ADAM17: variants seen among roughly 807,000 people sequenced by gnomAD.
ADAM17 encodes the protein disintegrin and metalloproteinase domain-containing protein 17.
A neutral mutation model predicts 96.7 loss-of-function variants in ADAM17; 39 were observed. The observed-to-expected ratio is 0.40, with a 90% confidence interval of 0.31 to 0.53. The LOEUF is 0.53. Among genes scored for constraint, ADAM17 ranks in the 20% least tolerant of loss-of-function variants. The pLI, the probability that ADAM17 is intolerant of heterozygous loss-of-function variation, is 0.44. For missense variants in ADAM17, 777 were observed against 1,013.2 expected, an observed-to-expected ratio of 0.77 and a Z score of 3.17; for synonymous variants, 344 against 359.2, an observed-to-expected ratio of 0.96 and a Z score of 0.48.
chr2:9,494,427 C>T (rs1572880014), intron 15 of ADAM17, among the ~76,000 whole-genome samples: 1 of 152,188 alleles, frequency 6.6e-6, no homozygotes, highest in Non-Finnish European at 1.5e-5. Context: ...AGTCTCTGGG[C>T]TCAAAGCCTC....
rs938052274 is a variant in ADAM17 at position 9,536,275 on chromosome 2, AT to A, written c.362-354del. ...TATACTATTTGTGGATTTCAATGAC[AT>A]TTTTTTTTCTCATTGCAGAAAAAGG... On this transcript the variant is annotated intron_variant, in intron 3 of 18. Coordinates refer to ENST00000310823, the MANE Select transcript of ADAM17 (RefSeq NM_003183.6). Among the ~76,000 whole-genome samples the A allele has an allele frequency of 4.0e-5, 6 of 151,490 alleles. No individual in the cohort carries two copies. In the East Asian group the frequency reaches 9.7e-4, roughly 25 times the overall value.
At chr2:9,514,143 T>C (rs1397914410) in intron 10 of ADAM17, among the ~76,000 whole-genome samples, 6 of 151,680 alleles carry the variant, frequency 4.0e-5, no homozygotes, top group Non-Finnish European at 7.4e-5. Context: ...ATTAAGAAAA[T>C]GTGGCACATA....
intron 13 of ADAM17, among the ~76,000 whole-genome samples, chr2:9,498,631 A>G (rs1662792476): frequency 6.6e-6 from 1 of 152,234 alleles, no homozygotes; most frequent in African/African-American, 2.4e-5. Flanking sequence ...TAAGTACCCA[A>G]CAGATAACCA....
intron 5 of ADAM17, 63 bp downstream of exon 5, chr2:9,527,723 C>G (rs1664583777): frequency 8.8e-7 from 1 of 1,130,298 alleles, no homozygotes; most frequent in African/African-American, 1.6e-5. Flanking sequence ...ATAACAACCA[C>G]CCCTACTGAA....
intron 1 of ADAM17, among the ~76,000 whole-genome samples, chr2:9,551,100 G>A (rs1216304799): frequency 6.6e-6 from 1 of 151,318 alleles, no homozygotes; most frequent in Non-Finnish European, 1.5e-5. Flanking sequence ...AACTAATTTT[G>A]GACATGTTAT....
intron 2 of ADAM17, among the ~76,000 whole-genome samples, chr2:9,541,797 T>C (rs915407933): frequency 2.0e-5 from 3 of 152,028 alleles, no homozygotes; most frequent in African/African-American, 7.2e-5. Context: ...CCCAGCACTT[T>C]GGGAGGCCGA....
At position 9,489,259 on chromosome 2, in the gene ADAM17, A is replaced by ATTTTTTTTTTTTTTTTT. The variant is rs34525911; in HGVS notation, c.*901_*917dup. The ATTTTTTTTTTTTTTTTT allele has an allele frequency of 7.8e-4, 68 of 87,394 alleles. 7 individuals are homozygous for ATTTTTTTTTTTTTTTTT. Among genetic ancestry groups the ATTTTTTTTTTTTTTTTT allele is most frequent in the African/African-American group, 3.9e-3 (61 of 15,524 alleles). 5.4% of individuals were successfully genotyped at this position (87,394 alleles called of 1,614,324 possible). A position where few individuals can be genotyped will look rare whatever the true frequency, so the allele number is the denominator to read the frequency against. On this transcript the variant is annotated 3_prime_UTR_variant, in exon 19 of 19. Coordinates refer to ENST00000310823, the MANE Select transcript of ADAM17 (RefSeq NM_003183.6). ...AATATTCTAGGTTTGTAGATAGTGA[A>ATTTTTTTTTTTTTTTTT]TTTTTTTTTTTTTTTTTTTTTTTTG...
chr2:9,506,827 A>T (rs1237752216), intron 11 of ADAM17: 1 of 151,950 alleles, frequency 6.6e-6, no homozygotes, highest in East Asian at 1.9e-4. Context: ...AGATAAGAAG[A>T]CCTCTTCACT....
chr2:9,523,591 T>C (rs761413874), intron 6 of ADAM17, among the ~76,000 whole-genome samples: 15 of 152,188 alleles, frequency 9.9e-5, no homozygotes, highest in Admixed American at 3.3e-4. Context: ...CAATTGCACA[T>C]GGAACCAAAA....
chr2:9,514,656 A>G (rs553940678), intron 10 of ADAM17, among the ~76,000 whole-genome samples: 46 of 149,484 alleles, frequency 3.1e-4, no homozygotes, highest in African/African-American at 6.6e-4. Context: ...GGCAGATCAC[A>G]AGGTCAGGAG....
Position 9,489,959 on chromosome 2 carries a change from G to C in ADAM17, c.*218C>G, listed in dbSNP as rs1484684465. ...AAAGATATTTTAAAAACTAAAACCT[G>C]AAAGCCTCAAAATAAGCTAGATTCA... On this transcript the variant is annotated 3_prime_UTR_variant, in exon 19 of 19. Coordinates refer to ENST00000310823, the MANE Select transcript of ADAM17 (RefSeq NM_003183.6). The C allele has an allele frequency of 2.1e-6, 1 of 470,658 alleles. No homozygotes were observed. Among genetic ancestry groups the C allele is most frequent in the African/African-American group, 1.9e-5 (1 of 52,374 alleles). The allele number at this position is 470,658 out of a possible 1,614,324, so 29.2% of individuals were successfully genotyped here.
chr2:9,532,781 T>C (rs946438506), intron 4 of ADAM17, among the ~76,000 whole-genome samples: 1 of 151,918 alleles, frequency 6.6e-6, no homozygotes, highest in African/African-American at 2.4e-5. Flanking sequence ...CCACTGTGCC[T>C]GGCTAAGTAA....
At chr2:9,547,910 T>C (rs1665454649) in intron 1 of ADAM17, among the ~76,000 whole-genome samples, 1 of 151,634 alleles carries the variant, frequency 6.6e-6, no homozygotes, top group Admixed American at 6.6e-5. Context: ...TAAAATAAAA[T>C]ACAAAAATTA....
chr2:9,548,444 A>G (rs1665481576), intron 1 of ADAM17, among the ~76,000 whole-genome samples: 1 of 152,070 alleles, frequency 6.6e-6, no homozygotes, highest in Admixed American at 6.6e-5. Context: ...ACCAAGTAGA[A>G]ACCACTAAAA....
chr2:9,490,117 TTGTA>T lies in ADAM17; in HGVS notation c.*56_*59del, dbSNP rs1290651004. On this transcript the variant is annotated 3_prime_UTR_variant, in exon 19 of 19. Transcript: ENST00000310823. ...TCACAAAATACAAGCTGTGATTGAT[TTGTA>T]GGTCAAATCTATAAAAATATTTTGC... The T allele has an allele frequency of 8.3e-6, 11 of 1,326,316 alleles. No individual in the cohort carries two copies. In the African/African-American group the frequency reaches 1.5e-4, roughly 18 times the overall value. 82.2% of individuals were successfully genotyped at this position (1,326,316 alleles called of 1,614,324 possible).
intron 2 of ADAM17, among the ~76,000 whole-genome samples, chr2:9,538,016 A>AGGG (rs1553366532): frequency 3.1e-5 from 1 of 31,850 alleles, no homozygotes; most frequent in African/African-American, 1.4e-4. Context: ...GGAGGGGAGG[A>AGGG]GAGGGGAGGG....
chr2:9,527,765 A>G, intron 5 of ADAM17, 21 bp downstream of exon 5: 1 of 1,475,606 alleles, frequency 6.8e-7, no homozygotes, highest in African/African-American at 1.4e-5. Flanking sequence ...TCTTATTTGA[A>G]ATACACTCTT....
intron 4 of ADAM17, 31 bp downstream of exon 4, chr2:9,535,803 C>A: frequency 1.4e-6 from 2 of 1,399,336 alleles, no homozygotes; most frequent in Non-Finnish European, 2.0e-6. Flanking sequence ...GAGATATAAG[C>A]TACTGAAAAA....
rs1661797366 is a variant in ADAM17 at position 9,488,697 on chromosome 2, G to GTT, written c.*1479_*1480insAA. On this transcript the variant is annotated 3_prime_UTR_variant, in exon 19 of 19. Transcript: ENST00000310823. ...CAACCTTGTATCAAATTCCAAAAGT[G>GTT]TAACTAAAGTATAAGAATATCATGA... is the stretch of plus-strand genomic sequence containing the variant. 1.3e-5 allele frequency: 2 copies of GTT among 158,978 alleles called. No individual in the cohort carries two copies. The highest frequency in any genetic ancestry group is 1.3e-4 in the Admixed American group (2 of 15,636). The allele number at this position is 158,978 out of a possible 1,614,324, so 9.8% of individuals were successfully genotyped here. A position where few individuals can be genotyped will look rare whatever the true frequency, so the allele number is the denominator to read the frequency against.
Sources: allele counts gnomAD v4.1 joint callset (sites outside exome capture counted in the v4.1 genomes callset), GRCh38; gene constraint gnomAD v4.1.1; transcripts MANE v1.5; gene names NCBI Gene and HGNC (gene_info 2026-07-23, HGNC 2026-07-21).